The following RANBP2 variants were observed in gnomAD, a reference collection of about 807,000 sequenced individuals.
RANBP2 encodes the protein RAN binding protein 2.
A neutral mutation model predicts 303.6 loss-of-function variants in RANBP2; 57 were observed. The observed-to-expected ratio is 0.19, with a 90% CI of 0.15 to 0.23. The LOEUF is 0.23. RANBP2 is among the 10% of genes least tolerant of loss of function. The pLI is 1.00. For synonymous variants in RANBP2, 1,167 were observed against 1,301.5 expected (o/e 0.90, Z 2.23); for missense variants, 3,138 against 3,780.8 (o/e 0.83, Z 4.46).
At chr2:109,622,413 C>T in the RANBP2 span, among the ~76,000 whole-genome samples, 1 of 152,118 alleles carries the variant, frequency 6.6e-6, no homozygotes, top group African/African-American at 2.4e-5. Flanking sequence ...GAAATTCATA[C>T]TATTGCAGAA....
At chr2:109,096,783 C>G in the RANBP2 span, among the ~76,000 whole-genome samples, 1 of 145,994 alleles carries the variant, frequency 6.8e-6, no homozygotes, top group East Asian at 2.2e-4. Context: ...CTATTTACAG[C>G]TTTTTTTTTG....
At chr2:109,337,436 A>ACC in the RANBP2 span, among the ~76,000 whole-genome samples, 1 of 152,000 alleles carries the variant, frequency 6.6e-6, no homozygotes, top group Non-Finnish European at 1.5e-5. Context: ...CACTGTGGCC[A>ACC]CCCCCTCGCA....
chr2:109,345,770 T>G, the RANBP2 span, among the ~76,000 whole-genome samples: 53 of 152,352 alleles, frequency 3.5e-4, no homozygotes, highest in Admixed American at 3.2e-3. Context: ...GTCTTTTTTG[T>G]AAATTTAACC....
the RANBP2 span, chr2:109,585,691 C>A: frequency 6.9e-7 from 1 of 1,443,096 alleles, no homozygotes; most frequent in Non-Finnish European, 9.7e-7. Flanking sequence ...TATGAAGGAA[C>A]AACTTAGAGG....
the RANBP2 span, among the ~76,000 whole-genome samples, chr2:109,305,868 G>A: frequency 1.3e-5 from 2 of 152,200 alleles, no homozygotes; most frequent in African/African-American, 4.8e-5. Context: ...AGCAATCCAC[G>A]CAGAGCCCTT....
chr2:109,170,246 T>C, the RANBP2 span, among the ~76,000 whole-genome samples: 1 of 6,204 alleles, frequency 1.6e-4, no homozygotes, highest in African/African-American at 4.6e-4. Flanking sequence ...TCTTTTCTTT[T>C]CTCTTCTCTT....
the RANBP2 span, among the ~76,000 whole-genome samples, chr2:108,827,832 A>G: frequency 1.4e-5 from 2 of 145,168 alleles, no homozygotes; most frequent in Admixed American, 7.0e-5. Context: ...AAAAAAAAAA[A>G]TTAAAAAAAT....
At chr2:108,861,835 C>T in the RANBP2 span, among the ~76,000 whole-genome samples, 1 of 152,104 alleles carries the variant, frequency 6.6e-6, no homozygotes, top group Non-Finnish European at 1.5e-5. Flanking sequence ...CCGCGCCCAG[C>T]CTAAACTTTC....
the RANBP2 span, among the ~76,000 whole-genome samples, chr2:108,891,459 T>G: frequency 6.6e-6 from 1 of 152,240 alleles, no homozygotes. Context: ...ATCCATGATT[T>G]CCCCACTGGG....
chr2:108,978,625 T>C, the RANBP2 span, among the ~76,000 whole-genome samples: 2 of 152,206 alleles, frequency 1.3e-5, no homozygotes, highest in South Asian at 2.1e-4. Context: ...ATTTTAACTA[T>C]TCATATTAAA....
chr2:108,922,474 A>G, the RANBP2 span, among the ~76,000 whole-genome samples: 1 of 152,200 alleles, frequency 6.6e-6, no homozygotes, highest in Non-Finnish European at 1.5e-5. Context: ...CACAGCACAG[A>G]ACCCTCCTCC....
chr2:109,449,334 G>A, the RANBP2 span: 1 of 1,604,714 alleles, frequency 6.2e-7, no homozygotes, highest in South Asian at 1.1e-5. Flanking sequence ...CCCACGGCCG[G>A]CCATCCCCCT....
chr2:108,824,696 TATC>T, the RANBP2 span, among the ~76,000 whole-genome samples: 1 of 152,218 alleles, frequency 6.6e-6, no homozygotes, highest in African/African-American at 2.4e-5. Context: ...TTATTATCTT[TATC>T]AAGTAGTATG....
chr2:109,170,611 A>G, the RANBP2 span, among the ~76,000 whole-genome samples: 2 of 152,130 alleles, frequency 1.3e-5, no homozygotes, highest in Non-Finnish European at 2.9e-5. Flanking sequence ...CGGCCACCCA[A>G]AGCGCTGGGA....
the RANBP2 span, among the ~76,000 whole-genome samples, chr2:109,595,451 A>C: frequency 2.0e-5 from 3 of 152,200 alleles, no homozygotes; most frequent in African/African-American, 7.2e-5. Context: ...CCCCAGTCCC[A>C]GTCATCATGT....
At chr2:109,492,080 C>A in the RANBP2 span, among the ~76,000 whole-genome samples, 5 of 152,188 alleles carry the variant, frequency 3.3e-5, no homozygotes, top group African/African-American at 1.2e-4. Context: ...TCTGTGGTGA[C>A]CACGTCCTCT....
chr2:109,307,620 G>A, the RANBP2 span, among the ~76,000 whole-genome samples: 8 of 129,336 alleles, frequency 6.2e-5, no homozygotes, highest in Non-Finnish European at 9.3e-5. Context: ...TCCCCTTCCT[G>A]TGTCCATGTG....
At chr2:109,631,436 G>C in the RANBP2 span, among the ~76,000 whole-genome samples, 1 of 152,186 alleles carries the variant, frequency 6.6e-6, no homozygotes, top group African/African-American at 2.4e-5. Context: ...TCAATTAATA[G>C]GTTGAATGAT....
chr2:109,147,241 A>G, the RANBP2 span, among the ~76,000 whole-genome samples: 1 of 152,106 alleles, frequency 6.6e-6, no homozygotes, highest in Non-Finnish European at 1.5e-5. Flanking sequence ...GCTGCTGCTG[A>G]GAGGTTTGCT....
Sources: gnomAD v4.1 joint callset for allele counts (sites outside exome capture counted in the v4.1 genomes callset) on GRCh38, gnomAD v4.1.1 for gene constraint, MANE v1.5 for transcripts, NCBI Gene and HGNC (gene_info 2026-07-23, HGNC 2026-07-21) for gene names.